LRCH3: variants seen among roughly 807,000 people sequenced by gnomAD.
LRCH3 encodes the protein DISP complex protein LRCH3.
A neutral mutation model predicts 104.5 loss-of-function variants in LRCH3; 68 were observed. That is an observed-to-expected ratio of 0.65 (90% CI 0.54 to 0.80). The LOEUF is 0.80. Among genes scored for constraint, LRCH3 ranks in the 30% least tolerant of loss-of-function variants. The pLI is 0.00. For missense variants in LRCH3, 951 were observed against 953.9 expected, an observed-to-expected ratio of 1.00 and a Z score of 0.04; for synonymous variants, 344 against 361.3, an observed-to-expected ratio of 0.95 and a Z score of 0.54.
intron 18 of LRCH3, among the ~76,000 whole-genome samples, chr3:197,871,111 G>A (rs1049377090): frequency 3.3e-5 from 5 of 151,826 alleles, no homozygotes; most frequent in Admixed American, 1.3e-4. Flanking sequence ...AGTTGTAAAT[G>A]AATTTTTGTT....
chr3:197,843,684 GAA>G (rs879341567), intron 10 of LRCH3, among the ~76,000 whole-genome samples: 3 of 142,396 alleles, frequency 2.1e-5, no homozygotes, highest in African/African-American at 7.7e-5. Flanking sequence ...CATCTCAAAA[GAA>G]AAAAAAAAAG....
At chr3:197,822,994 CTT>C (rs756061050) in intron 4 of LRCH3, 9 of 136,032 alleles carry the variant, frequency 6.6e-5, no homozygotes, top group East Asian at 2.1e-4. Context: ...ATTTTTACTT[CTT>C]TTTTTTTTTT....
At chr3:197,827,874 C>T (rs1252737560) in intron 5 of LRCH3, among the ~76,000 whole-genome samples, 1 of 151,788 alleles carries the variant, frequency 6.6e-6, no homozygotes, top group Non-Finnish European at 1.5e-5. Flanking sequence ...GTCAGGAGAT[C>T]GAGATCATCC....
At position 197,883,130 on chromosome 3, in the gene LRCH3, G is replaced by A; in HGVS notation, c.2209-411G>A. ...TGTGGTAGGGAACTTACCCTCAAGT[G>A]TAGTATCTTTTACTCTTGAGCCATC... On this transcript the variant is annotated intron_variant, in intron 20 of 20. Transcript: ENST00000425562. The surrounding 1 kb of genome is among the most constrained non-coding windows in gnomAD (Gnocchi z 4.2). 1.0e-6 allele frequency: 1 copy of A among 987,326 alleles called. No individual in the cohort carries two copies. Among genetic ancestry groups the A allele is most frequent in the East Asian group, 1.1e-4 (1 of 8,874 alleles). The allele number at this position is 987,326 out of a possible 1,614,324, so 61.2% of individuals were successfully genotyped here.
intron 10 of LRCH3, among the ~76,000 whole-genome samples, chr3:197,843,871 G>T (rs1034724996): frequency 3.9e-5 from 6 of 152,142 alleles, no homozygotes; most frequent in African/African-American, 1.4e-4. Flanking sequence ...CACTATAGTG[G>T]TTCTGTCTCT....
intron 1 of LRCH3, among the ~76,000 whole-genome samples, chr3:197,794,624 C>T (rs1377351675): frequency 6.6e-6 from 1 of 152,210 alleles, no homozygotes; most frequent in Non-Finnish European, 1.5e-5. Flanking sequence ...TCCTAGGGAA[C>T]AGCATATATT....
At chr3:197,871,177 T>C (rs1338494781) in intron 18 of LRCH3, 148 bp from the exon 19 acceptor site, 1 of 611,784 alleles carries the variant, frequency 1.6e-6, no homozygotes, top group African/African-American at 1.8e-5. Flanking sequence ...TCTCCTTAAG[T>C]TAAACTTAGG....
chr3:197,844,983 G>T (rs887310800), intron 10 of LRCH3, among the ~76,000 whole-genome samples: 1 of 152,164 alleles, frequency 6.6e-6, no homozygotes, highest in African/African-American at 2.4e-5. Context: ...GGGATGTCAA[G>T]ATCATTGACA....
At chr3:197,800,163 A>G (rs1284178927) in intron 1 of LRCH3, among the ~76,000 whole-genome samples, 1 of 151,254 alleles carries the variant, frequency 6.6e-6, no homozygotes, top group Non-Finnish European at 1.5e-5. Context: ...GCACCACTAT[A>G]CTCCACTCCA....
chr3:197,866,323 A>G, intron 17 of LRCH3, 104 bp downstream of exon 17: 1 of 738,564 alleles, frequency 1.4e-6, no homozygotes, highest in South Asian at 1.6e-5. Context: ...TATAAGACAA[A>G]GCTATCAGCT....
chr3:197,816,746 T>G (rs910774113), intron 2 of LRCH3, among the ~76,000 whole-genome samples: 1 of 152,234 alleles, frequency 6.6e-6, no homozygotes, highest in African/African-American at 2.4e-5. Context: ...GATTATAATA[T>G]TGTAATGATG....
rs1714151043 is a variant in LRCH3 at position 197,885,756 on chromosome 3, CT to C, written c.*2091del. The C allele has an allele frequency of 6.6e-6, 1 of 152,266 alleles. No homozygotes were observed. Among genetic ancestry groups the C allele is most frequent in the Non-Finnish European group, 1.5e-5 (1 of 68,058 alleles). 9.4% of individuals were successfully genotyped at this position (152,266 alleles called of 1,614,324 possible). A position where few individuals can be genotyped will look rare whatever the true frequency, so the allele number is the denominator to read the frequency against. Reference sequence around the variant, plus strand: ...AGTTTTCCTTCCCCTGCATTTTGAACTCCTTTTAGTTGTTGGTGATATCCTT... The same window carrying C: ...AGTTTTCCTTCCCCTGCATTTTGAACCCTTTTAGTTGTTGGTGATATCCTT... On this transcript the variant is annotated 3_prime_UTR_variant, in exon 21 of 21. Transcript: ENST00000425562.
intron 20 of LRCH3, chr3:197,882,990 CT>C: frequency 9.1e-6 from 9 of 985,450 alleles, no homozygotes; most frequent in Non-Finnish European, 1.1e-5. Context: ...TCAGGATACA[CT>C]GAGTTTCTTG....
At chr3:197,842,779 A>C (rs765818218) in intron 10 of LRCH3, among the ~76,000 whole-genome samples, 1 of 152,060 alleles carries the variant, frequency 6.6e-6, no homozygotes, top group Non-Finnish European at 1.5e-5. Context: ...TGTTTTAAAA[A>C]AATTGTTAAA....
At position 197,820,414 on chromosome 3, in the gene LRCH3, A is replaced by G. The variant is rs375940878; in HGVS notation, c.624A>G (p.Leu208=). Reference sequence around the variant, plus strand: ...ACCTTAATGTAAGAAGAAATCACCTAGTACATTTGCCTGAAGGTAAGAAAC... The same window carrying G: ...ACCTTAATGTAAGAAGAAATCACCTGGTACATTTGCCTGAAGGTAAGAAAC... The part of the protein sequence containing the change: ...LRDLNVRRNH[L]VHLPEELAEL... The change falls in exon 4 of 21, where the codon CTA becomes CTG. Residue 208 remains leucine (L), a synonymous_variant. Coordinates refer to ENST00000425562, the MANE Select transcript of LRCH3 (RefSeq NM_001365715.1). The G allele has an allele frequency of 2.2e-4, 351 of 1,591,430 alleles. 1 individual carries two copies. Among genetic ancestry groups the G allele is most frequent in the Non-Finnish European group, 2.9e-4 (334 of 1,160,738 alleles).
chr3:197,839,542 C>T lies in LRCH3; in HGVS notation c.1328+145C>T, dbSNP rs1461947976. On this transcript the variant is annotated intron_variant, in intron 10 of 20. Transcript: ENST00000425562. ...GAGCGACGGTGTGCTTTTTTGTACT[C>T]ATGCCATAGAAAAGGTAAAAACTGA... 3 of 516,170 alleles carry T rather than the reference C, an allele frequency of 5.8e-6. No homozygotes were observed. In the East Asian group the frequency reaches 1.0e-4, roughly 18 times the overall value. 32.0% of individuals were successfully genotyped at this position (516,170 alleles called of 1,614,324 possible).
At chr3:197,845,975 T>C (rs1303889305) in intron 10 of LRCH3, among the ~76,000 whole-genome samples, 1 of 152,178 alleles carries the variant, frequency 6.6e-6, no homozygotes, top group Non-Finnish European at 1.5e-5. Flanking sequence ...ATAAACACAC[T>C]TGAGTTGGTT....
At position 197,813,510 on chromosome 3, in the gene LRCH3, ATTT is replaced by A. The variant is rs57062885; in HGVS notation, c.263-1362_263-1360del. Reference sequence around the variant, plus strand: ...CCGTTCTTCTAATGGGAGGCATATAATTTTTTTTTTTTTTTTTTTTTTTTTTTT... The same window carrying A: ...CCGTTCTTCTAATGGGAGGCATATAATTTTTTTTTTTTTTTTTTTTTTTTT... On this transcript the variant is annotated intron_variant, in intron 1 of 20. Transcript: ENST00000425562. Among the ~76,000 whole-genome samples, 31 of 66,024 alleles carry A rather than the reference ATTT, an allele frequency of 4.7e-4. 5 individuals carry two copies. Among genetic ancestry groups the A allele is most frequent in the African/African-American group, 7.1e-4 (15 of 21,176 alleles). 43.3% of individuals were successfully genotyped at this position (66,024 alleles called of 152,430 possible).
intron 12 of LRCH3, among the ~76,000 whole-genome samples, chr3:197,849,983 TATC>T (rs756068608): frequency 2.6e-5 from 4 of 152,194 alleles, no homozygotes; most frequent in Non-Finnish European, 5.9e-5. Context: ...AGAGAACAAG[TATC>T]ATCAGAATTG....
Sources: allele counts gnomAD v4.1 joint callset (sites outside exome capture counted in the v4.1 genomes callset), GRCh38; gene constraint gnomAD v4.1.1; non-coding constraint Gnocchi (gnomAD v3.1); transcripts MANE v1.5; gene names NCBI Gene and HGNC (gene_info 2026-07-23, HGNC 2026-07-21).